The following LCN9 variants were observed in gnomAD, a reference collection of about 807,000 sequenced individuals.
The protein encoded by LCN9 is epididymal-specific lipocalin-9.
Under a neutral mutation model 18.5 loss-of-function variants are expected in LCN9, and 22 were observed. That is an observed-to-expected ratio of 1.19 (90% CI 0.85 to 1.70). LCN9 has a LOEUF of 1.70. Among genes scored for constraint, LCN9 ranks in the 40% most tolerant of loss-of-function variants. The probability of loss-of-function intolerance (pLI) is 0.00; values close to 1 mark genes in which losing one functional copy is unlikely to be tolerated. For missense variants in LCN9, 202 were observed against 201.3 expected (o/e 1.00, Z -0.02); for synonymous variants, 89 against 83.0 (o/e 1.07, Z -0.39).
chr9:135,663,587 C>T (rs1343517756), intron 1 of LCN9, among the ~76,000 whole-genome samples, 170 bp downstream of exon 1: 34 of 120,594 alleles, frequency 2.8e-4, no homozygotes, highest in Non-Finnish European at 3.6e-4. Flanking sequence ...CCGGGAGGGT[C>T]GGGTGGGAGA....
rs542930081 is a variant in LCN9 at position 135,665,321 on chromosome 9, G to A, written c.384G>A (p.Arg128=). 8 of 1,605,790 alleles carry A rather than the reference G, an allele frequency of 5.0e-6. No homozygotes were observed. The highest frequency in any genetic ancestry group is 3.4e-5 in the Admixed American group (2 of 59,138). The change falls in exon 4 of 6, where the codon AGG becomes AGA. Residue 128 remains arginine (R), a synonymous_variant. Coordinates refer to ENST00000619315, the Ensembl canonical transcript of LCN9. The surrounding 1 kb of genome is among the most constrained non-coding windows in gnomAD (Gnocchi z 5.9). Reference sequence around the variant, plus strand: ...TCACCTTCCACCTCCAGAACTTCAGGAACGGGACCGAGACCCACACGCTGG... The same window carrying A: ...TCACCTTCCACCTCCAGAACTTCAGAAACGGGACCGAGACCCACACGCTGG...
Position 135,665,859 on chromosome 9 carries a change from A to G in LCN9, c.*10-2A>G. On this transcript the variant is annotated splice_acceptor_variant, in intron 5 of 5. Transcript: ENST00000619315. LOFTEE classifies it low-confidence loss of function (3UTR_SPLICE). The surrounding 1 kb of genome is among the most constrained non-coding windows in gnomAD (Gnocchi z 5.9). ...CGCTGAGAGCCCCCTCTGTCCTTCC[A>G]GATCCCTGCTACTCCAAGCATTACA... 6.2e-7 allele frequency: 1 copy of G among 1,612,802 alleles called. No homozygotes were observed. The highest frequency in any genetic ancestry group is 8.5e-7 in the Non-Finnish European group (1 of 1,179,454).
exon 6 of LCN9, chr9:135,666,338 CT>C (rs1292098256): frequency 1.7e-6 from 1 of 573,832 alleles, no homozygotes; most frequent in Non-Finnish European, 3.1e-6. Context: ...ACTCCAGCCT[CT>C]GCCTCTGTCT....
rs1220212906 is a variant in LCN9, at chr9:135,665,187, T to G, written c.308-58T>G. ...TCCTCACTTGCGGCCACACAGCACGTGTCACAGGACCCTGAGGGTGGCGGG... is the reference window on the plus strand; with the variant it reads ...TCCTCACTTGCGGCCACACAGCACGGGTCACAGGACCCTGAGGGTGGCGGG... On this transcript the variant is annotated intron_variant, in intron 3 of 5. Coordinates refer to ENST00000619315, the Ensembl canonical transcript of LCN9. The surrounding 1 kb of genome is among the most constrained non-coding windows in gnomAD (Gnocchi z 5.9). 1 of 1,200,014 alleles carries G rather than the reference T, an allele frequency of 8.3e-7. No homozygotes were observed. The highest frequency in any genetic ancestry group is 1.2e-6 in the Non-Finnish European group (1 of 827,826). 74.3% of individuals were successfully genotyped at this position (1,200,014 alleles called of 1,614,324 possible).
chr9:135,666,087 G>T, exon 6 of LCN9: 1 of 1,599,464 alleles, frequency 6.3e-7, no homozygotes, highest in Non-Finnish European at 8.5e-7. Flanking sequence ...CAGTGATGGG[G>T]CCTTCCAGGG....
At chr9:135,666,364 G>A (rs990633033) in exon 6 of LCN9, 6 of 537,840 alleles carry the variant, frequency 1.1e-5, no homozygotes, top group Non-Finnish European at 2.0e-5. Flanking sequence ...CTCCTCTTCT[G>A]TCTCTTCTAA....
rs763377397 is a variant in LCN9 at position 135,664,126 on chromosome 9, C to T, written c.97-36C>T. On this transcript the variant is annotated intron_variant, in intron 1 of 5. Coordinates refer to ENST00000619315, the Ensembl canonical transcript of LCN9. The surrounding 1 kb of genome is among the most constrained non-coding windows in gnomAD (Gnocchi z 4.5). ...GCGCTAAGCATCCCCAGGGCTGTCC[C>T]GCGGCCCCCCACCCACTGGAGCTCT... 13 of 1,608,756 alleles carry T rather than the reference C, an allele frequency of 8.1e-6. 1 individual carries two copies. In the East Asian group the frequency reaches 8.9e-5, roughly 11 times the overall value.
chr9:135,665,373 C>A lies in LCN9; in HGVS notation c.418+18C>A. On this transcript the variant is annotated intron_variant, in intron 4 of 5. Transcript: ENST00000619315. The surrounding 1 kb of genome is among the most constrained non-coding windows in gnomAD (Gnocchi z 5.9). ...GCTCTATGGTACCTCCGCTGTCCCC[C>A]TCTGACCCCCTCGGGGACCCCACCT... 1.3e-6 allele frequency: 2 copies of A among 1,558,114 alleles called. No individual in the cohort carries two copies. The highest frequency in any genetic ancestry group is 1.9e-5 in the Admixed American group (1 of 53,264).
At position 135,665,232 on chromosome 9, in the gene LCN9, T is replaced by C. The variant is rs1834197237; in HGVS notation, c.308-13T>C. 2.6e-6 allele frequency: 4 copies of C among 1,557,974 alleles called. 1 individual carries two copies. In the East Asian group the frequency reaches 7.0e-5, roughly 27 times the overall value. On this transcript the variant is annotated splice_polypyrimidine_tract_variant and intron_variant, in intron 3 of 5. Transcript: ENST00000619315. The surrounding 1 kb of genome is among the most constrained non-coding windows in gnomAD (Gnocchi z 5.9). ...GGCGGGGCCAGGCCACGCTGAGCCA[T>C]GTCTCCACGCAGATGAGGGCCAGAA...
exon 6 of LCN9, among the ~76,000 whole-genome samples, chr9:135,666,709 G>T (rs1419435790): frequency 6.6e-6 from 1 of 152,166 alleles, no homozygotes; most frequent in Non-Finnish European, 1.5e-5. Context: ...ATGTACCTGT[G>T]GTGCGTGGTG....
Position 135,665,413 on chromosome 9 carries a change from C to A in LCN9, c.418+58C>A. ...GGACCCCACCTCCTCTGAAGTCCGG[C>A]CCAACCCTGGGCGGAGGAGGGTCTC... On this transcript the variant is annotated intron_variant, in intron 4 of 5. Coordinates refer to ENST00000619315, the Ensembl canonical transcript of LCN9. This position sits in a 1 kb window ranked among gnomAD's most constrained non-coding sequence, Gnocchi z 5.9. 7.4e-7 allele frequency: 1 copy of A among 1,356,094 alleles called. No individual in the cohort carries two copies. Among genetic ancestry groups the A allele is most frequent in the Non-Finnish European group, 1.0e-6 (1 of 970,302 alleles). The allele number at this position is 1,356,094 out of a possible 1,614,324, so 84.0% of individuals were successfully genotyped here.
At position 135,665,599 on chromosome 9, in the gene LCN9, C is replaced by T. The variant is rs71508806; in HGVS notation, c.419-89C>T. 7.5e-7 allele frequency: 1 copy of T among 1,342,166 alleles called. No individual in the cohort carries two copies. Among genetic ancestry groups the T allele is most frequent in the Non-Finnish European group, 1.0e-6 (1 of 959,946 alleles). The allele number at this position is 1,342,166 out of a possible 1,614,324, so 83.1% of individuals were successfully genotyped here. On this transcript the variant is annotated intron_variant, in intron 4 of 5. Transcript: ENST00000619315. The surrounding 1 kb of genome is among the most constrained non-coding windows in gnomAD (Gnocchi z 5.9). Reference sequence around the variant, plus strand: ...ACCCCCTGCCCAGCCTCAGCACTTCCTGAGCACCCCCAGCAAGGCCCAGCT... The same window carrying T: ...ACCCCCTGCCCAGCCTCAGCACTTCTTGAGCACCCCCAGCAAGGCCCAGCT...
At position 135,665,632 on chromosome 9, in the gene LCN9, G is replaced by C. The variant is rs2119180359; in HGVS notation, c.419-56G>C. 1.3e-6 allele frequency: 2 copies of C among 1,554,020 alleles called. No homozygotes were observed. Reference sequence around the variant, plus strand: ...CCCCAGCAAGGCCCAGCTTCACACAGAACCAACTCTGTTCCCAGCACGGGT... The same window carrying C: ...CCCCAGCAAGGCCCAGCTTCACACACAACCAACTCTGTTCCCAGCACGGGT... On this transcript the variant is annotated intron_variant, in intron 4 of 5. Coordinates refer to ENST00000619315, the Ensembl canonical transcript of LCN9. The surrounding 1 kb of genome is among the most constrained non-coding windows in gnomAD (Gnocchi z 5.9).
In LCN9 at chr9:135,664,728, G is replaced by T. The variant is rs867281902; in HGVS notation, c.240G>T (p.Gln80His). The T allele has an allele frequency of 6.3e-7, 1 of 1,596,244 alleles. No homozygotes were observed. Among genetic ancestry groups the T allele is most frequent in the African/African-American group, 1.3e-5 (1 of 74,518 alleles). The change falls in exon 3 of 6, where the codon CAG (glutamine) becomes CAT (histidine). Residue 80 changes from glutamine to histidine, a missense_variant. Coordinates refer to ENST00000619315, the Ensembl canonical transcript of LCN9. This position sits in a 1 kb window ranked among gnomAD's most constrained non-coding sequence, Gnocchi z 4.5. ...CTTCCTGGCTGGCTTCCAGGGTGCA[G>T]GGGGAGTGTGTGGCTGTGGTCGTGG...
Position 135,665,703 on chromosome 9 carries a change from C to A in LCN9, c.434C>A (p.Ala145Glu). Residue 145 changes from alanine to glutamate, a missense_variant, in exon 5 of 6, where the codon GCG (alanine) becomes GAG (glutamate). Ala to Glu is a moderately radical substitution (Grantham distance 107). Transcript: ENST00000619315. The surrounding 1 kb of genome is among the most constrained non-coding windows in gnomAD (Gnocchi z 5.9). ...TCCTGAGCAGATTTGAAGAAACCTG[C>A]GAAAAGTACGGACTTGGCTCACAAA... 1 of 1,613,194 alleles carries A rather than the reference C, an allele frequency of 6.2e-7. No homozygotes were observed.
rs539418416 is a variant in LCN9, at chr9:135,664,882, C to T, written c.307+87C>T. The T allele has an allele frequency of 4.4e-3, 6,086 of 1,381,970 alleles. 30 individuals are homozygous for T. Among genetic ancestry groups the T allele is most frequent in the South Asian group, 8.5e-3 (663 of 77,942 alleles). The allele number at this position is 1,381,970 out of a possible 1,614,324, so 85.6% of individuals were successfully genotyped here. ...GGCCATATTCTGGTGAGCACTGACTCTGGGGATTTTAGTTAAGCCCCTGAC... is the reference window on the plus strand; with the variant it reads ...GGCCATATTCTGGTGAGCACTGACTTTGGGGATTTTAGTTAAGCCCCTGAC... On this transcript the variant is annotated intron_variant, in intron 3 of 5. Coordinates refer to ENST00000619315, the Ensembl canonical transcript of LCN9. This position sits in a 1 kb window ranked among gnomAD's most constrained non-coding sequence, Gnocchi z 4.5.
Position 135,664,184 on chromosome 9 carries a change from T to C in LCN9, c.119T>C (p.Ile40Thr). ...CAGGTTTCAGGGGTCTGGTATTCTA[T>C]TTTCATGGCCTCAGATGACCTGAAT... is the stretch of plus-strand genomic sequence containing the variant. Residue 40 changes from isoleucine (I) to threonine (T), a missense_variant, in exon 2 of 6, where the codon ATT (isoleucine) becomes ACT (threonine). Transcript: ENST00000619315. This position sits in a 1 kb window ranked among gnomAD's most constrained non-coding sequence, Gnocchi z 4.5. The C allele has an allele frequency of 6.2e-7, 1 of 1,613,646 alleles. No homozygotes were observed. The highest frequency in any genetic ancestry group is 8.5e-7 in the Non-Finnish European group (1 of 1,179,698).
At chr9:135,666,879 G>C (rs1412870279) in exon 6 of LCN9, among the ~76,000 whole-genome samples, 1 of 151,038 alleles carries the variant, frequency 6.6e-6, no homozygotes, top group Non-Finnish European at 1.5e-5. Context: ...TTTGGGGGAA[G>C]ATGATCAACA....
chr9:135,663,552 G>A (rs1278534311), intron 1 of LCN9, 135 bp downstream of exon 1: 4 of 427,078 alleles, frequency 9.4e-6, no homozygotes, highest in Non-Finnish European at 1.4e-5. Flanking sequence ...AGCTGTGACA[G>A]CAGCCTGGGA....
Sources: gnomAD v4.1 joint callset for allele counts (sites outside exome capture counted in the v4.1 genomes callset) on GRCh38, gnomAD v4.1.1 for gene constraint, Gnocchi (gnomAD v3.1) non-coding constraint, MANE v1.5 for transcripts, NCBI Gene and HGNC (gene_info 2026-07-23, HGNC 2026-07-21) for gene names.